PNPLA6: variants seen among roughly 807,000 people sequenced by gnomAD.
The protein encoded by PNPLA6 is patatin-like phospholipase domain-containing protein 6.
Under a neutral mutation model 153.7 loss-of-function variants are expected in PNPLA6, and 105 were observed. The observed-to-expected ratio is 0.68, with a 90% CI of 0.58 to 0.80. The LOEUF is 0.80. PNPLA6 is among the 30% of genes least tolerant of loss of function. The probability of loss-of-function intolerance (pLI) is 0.00; values close to 1 mark genes in which losing one functional copy is unlikely to be tolerated. For synonymous variants in PNPLA6, 825 were observed against 822.2 expected (o/e 1.00, Z -0.06); for missense variants, 1,423 against 1,919.3 (o/e 0.74, Z 4.83).
chr19:7,550,883 C>T (rs1418292723), intron 16 of PNPLA6, 111 bp from the exon 17 acceptor site: 15 of 938,580 alleles, frequency 1.6e-5, no homozygotes, highest in African/African-American at 3.2e-5. Context: ...TGCTTCCCTA[C>T]ACCCCCATTG....
At chr19:7,547,201 A>G (rs1373141239) in intron 13 of PNPLA6, among the ~76,000 whole-genome samples, 1 of 152,146 alleles carries the variant, frequency 6.6e-6, no homozygotes, top group Non-Finnish European at 1.5e-5. Context: ...CACCATGGCC[A>G]GCCTCTATTT....
At chr19:7,545,476 C>A (rs944203004) in intron 13 of PNPLA6, among the ~76,000 whole-genome samples, 36 of 152,144 alleles carry the variant, frequency 2.4e-4, no homozygotes, top group African/African-American at 8.0e-4. Flanking sequence ...AGGAATCTCT[C>A]CATTTCTGGG....
At chr19:7,549,793 T>G in intron 13 of PNPLA6, 114 bp from the exon 14 acceptor site, 1 of 1,096,118 alleles carries the variant, frequency 9.1e-7, no homozygotes, top group Non-Finnish European at 1.3e-6. Flanking sequence ...TGCGCCTTCA[T>G]ATTTTTCTTA....
Position 7,554,050 on chromosome 19 carries a change from G to A in PNPLA6, c.2401+35G>A, listed in dbSNP as rs10424680. 0.012 allele frequency: 19,315 copies of A among 1,603,838 alleles called. 1,842 individuals carry two copies. The African/African-American group carries it at 0.22, about 18-fold the overall frequency. ...GTGAGGGTCATGGGTGGGGGCTGGC[G>A]GTGGGTGGGACATTAGTGAGTGAGA... On this transcript the variant is annotated intron_variant, in intron 19 of 31. Transcript: ENST00000600737.
chr19:7,539,380 G>A (rs1012246626), intron 3 of PNPLA6, among the ~76,000 whole-genome samples: 1 of 152,074 alleles, frequency 6.6e-6, no homozygotes, highest in Non-Finnish European at 1.5e-5. Context: ...TTGGGAGGCC[G>A]AGGCAGGAGA....
Position 7,558,917 on chromosome 19 carries a change from G to A in PNPLA6, c.3465G>A (p.Thr1155=), listed in dbSNP as rs145909423. The change falls in exon 28 of 32, where the codon ACG becomes ACA. Residue 1155 remains threonine, a synonymous_variant. Coordinates refer to ENST00000600737, the MANE Select transcript of PNPLA6 (RefSeq NM_001166114.2). The part of the protein sequence containing the change: ...IAIDVGSQDE[T]DLSTYGDSLS... ...TTGACGTGGGGAGCCAGGATGAGAC[G>A]GACCTCAGCACCTACGGGGACAGCC... 1.1e-5 allele frequency: 18 copies of A among 1,614,058 alleles called. No homozygotes were observed. Among genetic ancestry groups the A allele is most frequent in the Middle Eastern group, 3.3e-4 (2 of 6,058 alleles).
rs112392454 is a variant in PNPLA6 at position 7,557,311 on chromosome 19, C to A, written c.3397+27C>A. On this transcript the variant is annotated intron_variant, in intron 27 of 31. Coordinates refer to ENST00000600737, the MANE Select transcript of PNPLA6 (RefSeq NM_001166114.2). ...CAAGTGGCCGCCCGCACCACCCGCACACGCAAGCACCTCCCGCACCACACA... is the reference window on the plus strand; with the variant it reads ...CAAGTGGCCGCCCGCACCACCCGCAAACGCAAGCACCTCCCGCACCACACA... 17 of 1,366,072 alleles carry A rather than the reference C, an allele frequency of 1.2e-5. No homozygotes were observed. The South Asian group carries it at 1.7e-4, about 14-fold the overall frequency. The allele number at this position is 1,366,072 out of a possible 1,614,324, so 84.6% of individuals were successfully genotyped here. A position where few individuals can be genotyped will look rare whatever the true frequency, so the allele number is the denominator to read the frequency against.
chr19:7,534,619 A>AC (rs2022755401), upstream of PNPLA6: 1 of 152,490 alleles, frequency 6.6e-6, no homozygotes, highest in African/African-American at 2.4e-5. Context: ...TCTCATAAGC[A>AC]CCCCAGGAAT....
Position 7,555,790 on chromosome 19 carries a change from C to T in PNPLA6, c.3093+27C>T. 6.2e-7 allele frequency: 1 copy of T among 1,610,396 alleles called. No individual in the cohort carries two copies. Among genetic ancestry groups the T allele is most frequent in the South Asian group, 1.1e-5 (1 of 90,958 alleles). Reference sequence around the variant, plus strand: ...TGTGTGTTGCGAGGAGGGATTGCTGCACCCCAGGAGTGCCATAAAACCCGT... The same window carrying T: ...TGTGTGTTGCGAGGAGGGATTGCTGTACCCCAGGAGTGCCATAAAACCCGT... On this transcript the variant is annotated intron_variant, in intron 24 of 31. Transcript: ENST00000600737. This position sits in a 1 kb window ranked among gnomAD's most constrained non-coding sequence, Gnocchi z 6.3.
chr19:7,540,445 G>A lies in PNPLA6; in HGVS notation c.714+137G>A. ...GAACGGGTGACCGAGGACATTTGGG[G>A]TAGTCTGCGTAGTTGCTCAGTAGTT... On this transcript the variant is annotated intron_variant, in intron 5 of 31. Coordinates refer to ENST00000600737, the MANE Select transcript of PNPLA6 (RefSeq NM_001166114.2). The surrounding 1 kb of genome is among the most constrained non-coding windows in gnomAD (Gnocchi z 6.8). 1 of 1,062,504 alleles carries A rather than the reference G, an allele frequency of 9.4e-7. No individual in the cohort carries two copies. The highest frequency in any genetic ancestry group is 1.5e-5 in the South Asian group (1 of 67,536). 65.8% of individuals were successfully genotyped at this position (1,062,504 alleles called of 1,614,324 possible). A position where few individuals can be genotyped will look rare whatever the true frequency, so the allele number is the denominator to read the frequency against.
intron 27 of PNPLA6, 116 bp from the exon 28 acceptor site, chr19:7,558,734 A>C: frequency 9.6e-5 from 63 of 658,276 alleles, no homozygotes; most frequent in Non-Finnish European, 1.4e-4. Context: ...ATGTGTGGGT[A>C]TTCTCTCTTT....
chr19:7,542,166 G>A (rs951144495), intron 10 of PNPLA6, 99 bp downstream of exon 10: 2 of 906,866 alleles, frequency 2.2e-6, no homozygotes, highest in African/African-American at 3.3e-5. Context: ...TGCGAAATGG[G>A]AACACTGCCA....
Position 7,554,214 on chromosome 19 carries a change from A to T in PNPLA6, c.2407A>T (p.Thr803Ser), listed in dbSNP as rs772492685. 6.2e-7 allele frequency: 1 copy of T among 1,613,770 alleles called. No individual in the cohort carries two copies. Among genetic ancestry groups the T allele is most frequent in the Non-Finnish European group, 8.5e-7 (1 of 1,179,874 alleles). Residue 803 changes from threonine to serine, a missense_variant, in exon 20 of 32, where the codon ACG becomes TCG. Physicochemically the swap from Thr to Ser is moderately conservative, Grantham distance 58. Around this residue, in one of 10 missense-constraint regions of PNPLA6, gnomAD observed 643 missense variants for 835.2 expected, o/e 0.77. Coordinates refer to ENST00000600737, the MANE Select transcript of PNPLA6 (RefSeq NM_001166114.2). ...LQHALQAIGP[T>S]LLLNSDIIRA... ...CCTTCCCCACCTACCCCTAGGTCCG[A>T]CGCTACTCCTTAACAGTGACATCAT...
At chr19:7,549,820 T>G in intron 13 of PNPLA6, 87 bp from the exon 14 acceptor site, 1 of 1,328,238 alleles carries the variant, frequency 7.5e-7, no homozygotes, top group Admixed American at 1.8e-5. Flanking sequence ...CCTTTCTTCT[T>G]TAATTTTTTC....
chr19:7,554,895 G>A lies in PNPLA6; in HGVS notation c.2637G>A (p.Leu879=), dbSNP rs757868872. 3 of 1,584,386 alleles carry A rather than the reference G, an allele frequency of 1.9e-6. No homozygotes were observed. In the East Asian group the frequency reaches 6.8e-5, roughly 36 times the overall value. The part of the protein sequence containing the change: ...LGDQEPTLGQ[L]EQMLENTAVR... Reference sequence around the variant, plus strand: ...CCTCAGCCGTCCGTATTCCGCAGCTGGAGCAGATGCTGGAGAACACGGCTG... The same window carrying A: ...CCTCAGCCGTCCGTATTCCGCAGCTAGAGCAGATGCTGGAGAACACGGCTG... The change falls in exon 22 of 32, where the codon CTG becomes CTA. Residue 879 remains leucine, a splice_region_variant and synonymous_variant. Coordinates refer to ENST00000600737, the MANE Select transcript of PNPLA6 (RefSeq NM_001166114.2).
intron 13 of PNPLA6, among the ~76,000 whole-genome samples, chr19:7,547,273 G>A (rs1166773502): frequency 2.0e-5 from 3 of 152,068 alleles, no homozygotes; most frequent in Admixed American, 1.3e-4. Flanking sequence ...CCAAAGCAGC[G>A]GCACCATTTT....
chr19:7,539,814 T>C (rs1568406881), intron 3 of PNPLA6, 104 bp from the exon 4 acceptor site: 1 of 723,566 alleles, frequency 1.4e-6, no homozygotes. Context: ...CGGGCCAGAG[T>C]TTGCTGTACA....
At position 7,550,631 on chromosome 19, in the gene PNPLA6, C is replaced by T; in HGVS notation, c.2061C>T (p.Leu687=). The change falls in exon 16 of 32, where the codon CTC becomes CTT. Residue 687 remains leucine, a synonymous_variant. Coordinates refer to ENST00000600737, the MANE Select transcript of PNPLA6 (RefSeq NM_001166114.2). ...ELVGEYGRGD[L]IGVVEALTRQ... The stretch of plus-strand genomic sequence containing the variant: ...TGGGCGAGTACGGCCGCGGCGACCT[C>T]ATCGGCGTGGTGAGCGCGACCCCCA... 1 of 1,611,212 alleles carries T rather than the reference C, an allele frequency of 6.2e-7. No individual in the cohort carries two copies. The highest frequency in any genetic ancestry group is 8.5e-7 in the Non-Finnish European group (1 of 1,179,762).
At chr19:7,550,875 C>G (rs562731306) in intron 16 of PNPLA6, 119 bp from the exon 17 acceptor site, 1 of 921,042 alleles carries the variant, frequency 1.1e-6, no homozygotes, top group South Asian at 1.5e-5. Context: ...GCGAGGCTTG[C>G]TTCCCTACAC....
Sources: allele counts gnomAD v4.1 joint callset (sites outside exome capture counted in the v4.1 genomes callset), GRCh38; gene constraint gnomAD v4.1.1; regional missense constraint gnomAD v4.1.1; non-coding constraint Gnocchi (gnomAD v3.1); transcripts MANE v1.5; gene names NCBI Gene and HGNC (gene_info 2026-07-23, HGNC 2026-07-21).